Variants in GRIP1 observed in about 807,000 individuals in gnomAD.
GRIP1 encodes the protein glutamate receptor interacting protein 1.
A neutral mutation model predicts 129.9 loss-of-function variants in GRIP1; 45 were observed. The observed-to-expected ratio is 0.35, with a 90% CI of 0.27 to 0.44. GRIP1 has a LOEUF of 0.44. Ranked by LOEUF, GRIP1 falls within the 20% of genes least tolerant of loss-of-function variation. The probability of loss-of-function intolerance (pLI) is 1.00; values close to 1 mark genes in which losing one functional copy is unlikely to be tolerated. For missense variants in GRIP1, 1,196 were observed against 1,396.8 expected (o/e 0.86, Z 2.29); for synonymous variants, 530 against 520.8 (o/e 1.02, Z -0.24).
intron 7 of GRIP1, among the ~76,000 whole-genome samples, chr12:66,472,364 G>A (rs976103795): frequency 4.4e-4 from 67 of 152,156 alleles, no homozygotes; most frequent in African/African-American, 1.6e-3. Context: ...GAGTAGTGCT[G>A]AACTCCTTGA....
intron 1 of GRIP1, among the ~76,000 whole-genome samples, chr12:66,891,289 T>C (rs1445070963): frequency 6.6e-6 from 1 of 152,184 alleles, no homozygotes; most frequent in Non-Finnish European, 1.5e-5. Flanking sequence ...ATTAAGTAGG[T>C]TGCAGTTGGG....
At chr12:66,458,200 G>A (rs1476671741) in intron 9 of GRIP1, among the ~76,000 whole-genome samples, 1 of 143,684 alleles carries the variant, frequency 7.0e-6, no homozygotes, top group Non-Finnish European at 1.5e-5. Flanking sequence ...TGCCCTGTTT[G>A]TGGTTTGGAT....
intron 1 of GRIP1, among the ~76,000 whole-genome samples, chr12:66,788,973 ATTAAAC>A (rs1190548088): frequency 6.6e-6 from 1 of 152,176 alleles, no homozygotes; most frequent in Non-Finnish European, 1.5e-5. Context: ...ATAGAAAGGA[ATTAAAC>A]TTAAATAGAT....
At chr12:67,027,884 A>T (rs891324138) in intron 1 of GRIP1, among the ~76,000 whole-genome samples, 3 of 152,200 alleles carry the variant, frequency 2.0e-5, no homozygotes, top group African/African-American at 7.2e-5. Flanking sequence ...TAAGCAAAGG[A>T]AACACATGAC....
chr12:66,935,277 G>A (rs1392661773), intron 1 of GRIP1, among the ~76,000 whole-genome samples: 1 of 152,142 alleles, frequency 6.6e-6, no homozygotes, highest in Non-Finnish European at 1.5e-5. Flanking sequence ...TTCCTGGGAT[G>A]AAAGCTTCTA....
chr12:66,387,219 G>C (rs1162004897), intron 19 of GRIP1, among the ~76,000 whole-genome samples: 1 of 152,192 alleles, frequency 6.6e-6, no homozygotes, highest in Non-Finnish European at 1.5e-5. Flanking sequence ...CTGCATGGCT[G>C]GTGGCAGAAA....
intron 1 of GRIP1, among the ~76,000 whole-genome samples, chr12:66,888,302 C>T (rs1240423196): frequency 6.6e-6 from 1 of 151,894 alleles, no homozygotes; most frequent in Non-Finnish European, 1.5e-5. Context: ...CTCAAGCAAT[C>T]ATCTTACCTC....
Position 66,678,906 on chromosome 12 carries a change from C to G in GRIP1, c.-2G>C, listed in dbSNP as rs1165393281. 1 of 1,613,430 alleles carries G rather than the reference C, an allele frequency of 6.2e-7. No homozygotes were observed. The highest frequency in any genetic ancestry group is 2.2e-5 in the East Asian group (1 of 44,796). The stretch of plus-strand genomic sequence containing the variant: ...GCATTTAAAAGAGACAGCTATCATT[C>G]TTGCTCACTGCTTTCTGTGGCAAAG... On this transcript the variant is annotated 5_prime_UTR_variant, in exon 1 of 25. Coordinates refer to ENST00000359742, the MANE Select transcript of GRIP1 (RefSeq NM_001366722.1).
intron 1 of GRIP1, among the ~76,000 whole-genome samples, chr12:67,046,108 A>G (rs891066299): frequency 6.6e-6 from 1 of 152,194 alleles, no homozygotes; most frequent in Admixed American, 6.5e-5. Context: ...ATTTTCTGAT[A>G]AAACTGTAAA....
At chr12:66,413,598 A>T (rs946323033) in intron 15 of GRIP1, among the ~76,000 whole-genome samples, 1 of 152,236 alleles carries the variant, frequency 6.6e-6, no homozygotes, top group Non-Finnish European at 1.5e-5. Flanking sequence ...TCATTTTATG[A>T]GGCTAGTATC....
chr12:67,009,906 A>T (rs1172878584), intron 1 of GRIP1, among the ~76,000 whole-genome samples: 2 of 152,190 alleles, frequency 1.3e-5, no homozygotes. Context: ...GCATTTCAAC[A>T]GTTCTCATCC....
intron 24 of GRIP1, among the ~76,000 whole-genome samples, chr12:66,349,991 T>C (rs1419590076): frequency 2.0e-5 from 3 of 151,972 alleles, no homozygotes; most frequent in African/African-American, 2.4e-5. Context: ...CCCTGACACA[T>C]TGCACTGCTG....
Position 66,515,714 on chromosome 12 carries a change from C to T in GRIP1, c.629G>A (p.Arg210Gln), listed in dbSNP as rs755709681. 4.3e-6 allele frequency: 7 copies of T among 1,613,570 alleles called. No homozygotes were observed. The highest frequency in any genetic ancestry group is 2.2e-5 in the South Asian group (2 of 91,082). The change falls in exon 7 of 25, where the codon CGG becomes CAG. Residue 210 changes from arginine to glutamine, a missense_variant. Physicochemically the swap from Arg to Gln is conservative, Grantham distance 43. Around this residue, in one of 5 missense-constraint regions of GRIP1, gnomAD observed 16 missense variants for 43.6 expected, o/e 0.37. Transcript: ENST00000359742. ...TTCAGCATGCGTAGTTCCAAGAAGC[C>T]GAATTCCATCCACACTGAGCAACCT... ...GDRLLSVDGI[R>Q]LLGTTHAEAM...
intron 1 of GRIP1, among the ~76,000 whole-genome samples, chr12:66,791,301 C>T (rs1316498219): frequency 6.6e-6 from 1 of 152,022 alleles, no homozygotes; most frequent in Non-Finnish European, 1.5e-5. Flanking sequence ...GAGTGTGTTT[C>T]CGGATGGGAG....
rs143600919 is a variant in GRIP1, at chr12:66,896,044, A to G, written c.58+173006T>C. ...AACAAATTTTTAGACAAAGGCAGGCATGAAGTCAAATAAGGAGTTGCCAGC... is the reference window on the plus strand; with the variant it reads ...AACAAATTTTTAGACAAAGGCAGGCGTGAAGTCAAATAAGGAGTTGCCAGC... On this transcript the variant is annotated intron_variant, in intron 1 of 1. Coordinates refer to the GRIP1 transcript ENST00000643019. Among the ~76,000 whole-genome samples, 80 of 152,312 alleles carry G rather than the reference A, an allele frequency of 5.3e-4. No homozygotes were observed. The East Asian group carries it at 8.7e-3, about 17-fold the overall frequency.
At chr12:66,379,857 A>G (rs966097660) in intron 19 of GRIP1, among the ~76,000 whole-genome samples, 1 of 151,994 alleles carries the variant, frequency 6.6e-6, no homozygotes, top group African/African-American at 2.4e-5. Flanking sequence ...TTCCTCTTTC[A>G]CAACTGTACT....
intron 7 of GRIP1, among the ~76,000 whole-genome samples, chr12:66,506,808 T>A (rs1006589142): frequency 6.6e-6 from 1 of 152,150 alleles, no homozygotes; most frequent in Non-Finnish European, 1.5e-5. Flanking sequence ...ACATAGTAAG[T>A]GGCTCTGAGT....
At chr12:66,955,637 A>G (rs1767398483) in intron 1 of GRIP1, among the ~76,000 whole-genome samples, 1 of 151,042 alleles carries the variant, frequency 6.6e-6, no homozygotes, top group Non-Finnish European at 1.5e-5. Flanking sequence ...CTTCTCCAGT[A>G]GCTGGGATTA....
intron 1 of GRIP1, among the ~76,000 whole-genome samples, chr12:66,744,383 G>A (rs1287752568): frequency 6.6e-6 from 1 of 151,948 alleles, no homozygotes; most frequent in African/African-American, 2.4e-5. Context: ...AGGACACTGT[G>A]CCCGGGAGAT....
Sources: gnomAD v4.1 joint callset for allele counts (sites outside exome capture counted in the v4.1 genomes callset) on GRCh38, gnomAD v4.1.1 for gene constraint, gnomAD v4.1.1 regional missense constraint, MANE v1.5 for transcripts, NCBI Gene and HGNC (gene_info 2026-07-23, HGNC 2026-07-21) for gene names.